NINJ2: variants seen among roughly 807,000 people sequenced by gnomAD.
NINJ2 encodes ninjurin 2, also known as ninjurin-2.
In NINJ2, 12 loss-of-function variants were observed where a neutral mutation model predicts 11.7. The ratio of observed to expected loss-of-function variants is 1.02; its 90% CI spans 0.66 to 1.66. The LOEUF (loss-of-function observed/expected upper bound fraction) is 1.66, where lower values mean the gene tolerates loss of function less well. Ranked by LOEUF, NINJ2 falls within the 40% of genes most tolerant of loss-of-function variation. The pLI is 0.00. For synonymous variants in NINJ2, 93 were observed against 76.8 expected (o/e 1.21, Z -1.10); for missense variants, 187 against 181.8 (o/e 1.03, Z -0.16).
At chr12:587,227 C>T (rs10849286) in intron 1 of NINJ2, among the ~76,000 whole-genome samples, 40,376 of 151,896 alleles carry the variant, frequency 0.27, 5,644 homozygotes, top group South Asian at 0.37. Flanking sequence ...AGTCAGCTCA[C>T]CAGGACGGGC....
chr12:649,873 G>T (rs1403212472), intron 1 of NINJ2, among the ~76,000 whole-genome samples: 6 of 151,942 alleles, frequency 3.9e-5, no homozygotes, highest in Non-Finnish European at 8.8e-5. Flanking sequence ...CCTAACATAT[G>T]ATTAGCATTT....
At chr12:631,279 C>T (rs535554356) in intron 1 of NINJ2, among the ~76,000 whole-genome samples, 2 of 152,190 alleles carry the variant, frequency 1.3e-5, no homozygotes, top group South Asian at 4.1e-4. Context: ...TCTAATGACC[C>T]CTGGGGTATG....
At chr12:587,651 C>G (rs573618391) in intron 1 of NINJ2, among the ~76,000 whole-genome samples, 3 of 152,064 alleles carry the variant, frequency 2.0e-5, no homozygotes, top group Admixed American at 1.3e-4. Context: ...CCCTGCCCAG[C>G]GCTGAGCCAT....
At chr12:600,771 T>A (rs1272582120) in intron 1 of NINJ2, among the ~76,000 whole-genome samples, 1 of 151,354 alleles carries the variant, frequency 6.6e-6, no homozygotes, top group African/African-American at 2.4e-5. Flanking sequence ...AACCTTGACC[T>A]CCCGAGCTCA....
At chr12:649,531 G>GTATGTATA (rs1555167491) in intron 1 of NINJ2, among the ~76,000 whole-genome samples, 2 of 127,694 alleles carry the variant, frequency 1.6e-5, no homozygotes, top group East Asian at 2.5e-4. Flanking sequence ...GTGTATATGT[G>GTATGTATA]TATATATATA....
rs769277626 is a variant in NINJ2 at position 565,907 on chromosome 12, G to A, written c.262+43C>T. The stretch of plus-strand genomic sequence containing the variant: ...CACGTGGGGCCTTTCTGCCAGCCAC[G>A]GGTGCCGAGGCAGAAGGTCTGACTG... On this transcript the variant is annotated intron_variant, in intron 2 of 3. Coordinates refer to ENST00000305108, the MANE Select transcript of NINJ2 (RefSeq NM_016533.6). 1.1e-5 allele frequency: 17 copies of A among 1,567,802 alleles called. No homozygotes were observed. The South Asian group carries it at 1.2e-4, about 11-fold the overall frequency.
chr12:627,864 A>G (rs960876595), intron 1 of NINJ2, among the ~76,000 whole-genome samples: 1 of 152,210 alleles, frequency 6.6e-6, no homozygotes, highest in African/African-American at 2.4e-5. Flanking sequence ...GAACCCGGGA[A>G]GTGGAGGTTG....
intron 1 of NINJ2, among the ~76,000 whole-genome samples, chr12:634,274 T>C (rs1175478593): frequency 8.5e-6 from 1 of 117,814 alleles, no homozygotes; most frequent in Non-Finnish European, 1.8e-5. Flanking sequence ...TCTTTTTTTT[T>C]TTTTTTTTTT....
chr12:623,680 G>T (rs962071525), intron 1 of NINJ2, among the ~76,000 whole-genome samples: 3 of 152,232 alleles, frequency 2.0e-5, no homozygotes, highest in Non-Finnish European at 4.4e-5. Flanking sequence ...TTTGGCTGAG[G>T]TGCCACAATT....
At chr12:609,074 G>C (rs548337187) in intron 1 of NINJ2, among the ~76,000 whole-genome samples, 8 of 147,964 alleles carry the variant, frequency 5.4e-5, no homozygotes, top group East Asian at 2.0e-4. Context: ...GCACACGCAC[G>C]GCGCCACGCT....
At chr12:593,447 C>G (rs1242332940) in intron 1 of NINJ2, among the ~76,000 whole-genome samples, 4 of 152,170 alleles carry the variant, frequency 2.6e-5, no homozygotes, top group African/African-American at 9.7e-5. Flanking sequence ...GATGAAGCTC[C>G]CATCTTCATC....
chr12:637,176 C>A (rs1049227753), intron 1 of NINJ2, among the ~76,000 whole-genome samples: 3 of 151,602 alleles, frequency 2.0e-5, no homozygotes, highest in Non-Finnish European at 4.4e-5. Flanking sequence ...TGGTAAAACC[C>A]CGTCTCTACT....
intron 1 of NINJ2, among the ~76,000 whole-genome samples, chr12:611,402 A>G (rs1948032654): frequency 6.7e-6 from 1 of 149,768 alleles, no homozygotes; most frequent in Admixed American, 6.7e-5. Context: ...CAGTGGCACG[A>G]TCTTGGCTCA....
chr12:572,106 T>A (rs1376462519), intron 1 of NINJ2, among the ~76,000 whole-genome samples: 1 of 152,252 alleles, frequency 6.6e-6, no homozygotes, highest in Non-Finnish European at 1.5e-5. Flanking sequence ...TTTCTTATCA[T>A]CTGCGAGGTC....
chr12:633,209 A>G lies in NINJ2; in HGVS notation c.33+30119T>C, dbSNP rs1948303579. Among the ~76,000 whole-genome samples the G allele has an allele frequency of 6.6e-6, 1 of 152,040 alleles. No individual in the cohort carries two copies. The highest frequency in any genetic ancestry group is 1.5e-5 in the Non-Finnish European group (1 of 68,010). ...CTGTGCCCCACTCCTCCATTAAAAAAAAACAAGGCCGGGCGCGGTGGCTCA... is the reference window on the plus strand; with the variant it reads ...CTGTGCCCCACTCCTCCATTAAAAAGAAACAAGGCCGGGCGCGGTGGCTCA... On this transcript the variant is annotated intron_variant, in intron 1 of 3. Coordinates refer to ENST00000305108, the MANE Select transcript of NINJ2 (RefSeq NM_016533.6). The surrounding 1 kb of genome is among the most constrained non-coding windows in gnomAD (Gnocchi z 4.3).
chr12:575,060 C>T (rs192124767), intron 1 of NINJ2, among the ~76,000 whole-genome samples: 6 of 152,318 alleles, frequency 3.9e-5, no homozygotes, highest in African/African-American at 9.6e-5. Context: ...ACTCAGGGCC[C>T]GTCCCAGCCC....
At chr12:584,143 T>G (rs1395341522) in intron 1 of NINJ2, among the ~76,000 whole-genome samples, 1 of 152,308 alleles carries the variant, frequency 6.6e-6, no homozygotes, top group Non-Finnish European at 1.5e-5. Flanking sequence ...AGTTTGAGAA[T>G]GATGTTTATG....
At chr12:659,243 C>T (rs1253477142) in intron 1 of NINJ2, among the ~76,000 whole-genome samples, 1 of 151,908 alleles carries the variant, frequency 6.6e-6, no homozygotes, top group African/African-American at 2.4e-5. Flanking sequence ...ACTGAATTTG[C>T]ATTCGGTTTG....
intron 1 of NINJ2, chr12:644,540 T>C (rs990129058): frequency 1.3e-5 from 2 of 152,172 alleles, no homozygotes; most frequent in Non-Finnish European, 2.9e-5. Flanking sequence ...AACAAAGTTC[T>C]AGGCAGAGGA....
Sources: gnomAD v4.1 joint callset for allele counts (sites outside exome capture counted in the v4.1 genomes callset) on GRCh38, gnomAD v4.1.1 for gene constraint, Gnocchi (gnomAD v3.1) non-coding constraint, MANE v1.5 for transcripts, NCBI Gene and HGNC (gene_info 2026-07-23, HGNC 2026-07-21) for gene names.